Variants in GEM observed in about 807,000 individuals in gnomAD.
GEM encodes GTP binding protein overexpressed in skeletal muscle.
GEM carries 31 observed loss-of-function variants against 33.0 expected under a neutral mutation model. That is an observed-to-expected ratio of 0.94 (90% CI 0.71 to 1.27). GEM has a LOEUF of 1.27. Ranked by LOEUF, GEM falls within the 50% of genes most tolerant of loss-of-function variation. The probability of loss-of-function intolerance (pLI) is 0.00; values close to 1 mark genes in which losing one functional copy is unlikely to be tolerated. For missense variants in GEM, 354 were observed against 390.5 expected (o/e 0.91, Z 0.79); for synonymous variants, 141 against 143.7 (o/e 0.98, Z 0.13).
chr8:94,258,274 T>G (rs1237585969), intron 2 of GEM, among the ~76,000 whole-genome samples: 1 of 152,258 alleles, frequency 6.6e-6, no homozygotes, highest in Non-Finnish European at 1.5e-5. Flanking sequence ...TTTTCAATTC[T>G]TCCCTCTTAA....
intron 2 of GEM, among the ~76,000 whole-genome samples, chr8:94,254,855 CAGTA>C (rs1490860217): frequency 1.3e-5 from 2 of 152,206 alleles, no homozygotes; most frequent in African/African-American, 2.4e-5. Flanking sequence ...TTCTTCTAAT[CAGTA>C]AGTGTTTGCC....
At chr8:94,255,036 C>A (rs1162377403) in intron 2 of GEM, among the ~76,000 whole-genome samples, 1 of 152,134 alleles carries the variant, frequency 6.6e-6, no homozygotes, top group African/African-American at 2.4e-5. Flanking sequence ...CAGCACAGAA[C>A]GGGGATGGCC....
At chr8:94,251,446 C>T (rs1808768248) in intron 4 of GEM, among the ~76,000 whole-genome samples, 1 of 89,640 alleles carries the variant, frequency 1.1e-5, no homozygotes, top group African/African-American at 3.9e-5. Flanking sequence ...TATAATTGTA[C>T]CAGGATCAAA....
chr8:94,253,633 GTTTTGGCTGTAGT>G (rs145812411), intron 2 of GEM, among the ~76,000 whole-genome samples: 5,784 of 152,182 alleles, frequency 0.038, 143 homozygotes, highest in Non-Finnish European at 0.062. Context: ...GACTCTCCCT[GTTTTGGCTGTAGT>G]TTTCTTCCTT....
intron 2 of GEM, among the ~76,000 whole-genome samples, chr8:94,253,675 T>C (rs547733325): frequency 2.6e-4 from 39 of 152,312 alleles, no homozygotes; most frequent in African/African-American, 9.4e-4. Flanking sequence ...AAAAATGCTG[T>C]TCCCTAGGAA....
intron 2 of GEM, among the ~76,000 whole-genome samples, chr8:94,259,157 G>A (rs1288773774): frequency 6.6e-6 from 1 of 152,152 alleles, no homozygotes; most frequent in Admixed American, 6.5e-5. Flanking sequence ...TGCCTCATGA[G>A]GCAGTGAACT....
intron 2 of GEM, 126 bp downstream of exon 2, chr8:94,260,047 C>T: frequency 3.2e-6 from 2 of 631,386 alleles, no homozygotes; most frequent in East Asian, 2.7e-5. Context: ...ACTCAGCTCC[C>T]CCATCAATTG....
At chr8:94,255,455 C>T (rs1808870144) in intron 2 of GEM, among the ~76,000 whole-genome samples, 1 of 152,094 alleles carries the variant, frequency 6.6e-6, no homozygotes, top group South Asian at 2.1e-4. Flanking sequence ...ACTTTACCCC[C>T]CACCCCAGTA....
chr8:94,250,452 T>C lies in GEM; in HGVS notation c.749A>G (p.Glu250Gly), dbSNP rs867506754. 1 of 1,614,226 alleles carries C rather than the reference T, an allele frequency of 6.2e-7. No homozygotes were observed. The highest frequency in any genetic ancestry group is 1.3e-5 in the African/African-American group (1 of 75,062). The change falls in exon 5 of 5, where the codon GAA (glutamate) becomes GGA (glycine). Residue 250 changes from glutamate to glycine, a missense_variant. By Grantham distance (98) the Glu-to-Gly change is moderately conservative (BLOSUM62 -2). Coordinates refer to ENST00000297596, the MANE Select transcript of GEM (RefSeq NM_005261.4). ...CCTTTTCTGGTAGGCCAGCCGCCGT[T>C]CATTCTTCTCCTTGCTGTCCCGCCG... is the stretch of plus-strand genomic sequence containing the variant. ...RLRRDSKEKN[E>G]RRLAYQKRKE...
intron 1 of GEM, among the ~76,000 whole-genome samples, chr8:94,261,441 G>T (rs1426809050): frequency 6.6e-6 from 1 of 152,170 alleles, no homozygotes; most frequent in East Asian, 1.9e-4. Flanking sequence ...GCCTCCAACT[G>T]CCAGGCTCAA....
chr8:94,252,075 A>G lies in GEM; in HGVS notation c.557T>C (p.Ile186Thr). Residue 186 changes from isoleucine (I) to threonine (T), a missense_variant, in exon 4 of 5, where the codon ATA becomes ACA. Coordinates refer to ENST00000297596, the MANE Select transcript of GEM (RefSeq NM_005261.4). ...GTCACTTTTGTTGCCAACCAAAATT[A>G]TGGGAATGTCCTCTGTCTGCCGGGC... ...RRARQTEDIP[I>T]ILVGNKSDLV... 1 of 1,614,144 alleles carries G rather than the reference A, an allele frequency of 6.2e-7. No homozygotes were observed. The highest frequency in any genetic ancestry group is 8.5e-7 in the Non-Finnish European group (1 of 1,180,020).
At chr8:94,257,045 A>G (rs188846296) in intron 2 of GEM, among the ~76,000 whole-genome samples, 246 of 152,306 alleles carry the variant, frequency 1.6e-3, no homozygotes, top group African/African-American at 5.3e-3. Flanking sequence ...GTACTTTGCT[A>G]TATATGTGTG....
chr8:94,252,912 A>T, intron 3 of GEM, 124 bp downstream of exon 3: 1 of 624,556 alleles, frequency 1.6e-6, no homozygotes, highest in Non-Finnish European at 2.9e-6. Context: ...GTATGCTTTT[A>T]ATCAAGAAAA....
Position 94,252,194 on chromosome 8 carries a change from G to T in GEM, c.438C>A (p.Cys146Ter), listed in dbSNP as rs1195962183. ...TCAGGTATGCGTCCCCGACCTGCAT[G>T]CAGTGGTCATGGAGCCATTCATTTT... ...KGENEWLHDH[C>*]MQVGDAYLIV... is the part of the protein sequence containing the mutation. Residue 146 changes from cysteine (C) to a stop codon, truncating the protein, a stop_gained, in exon 4 of 5, where the codon TGC becomes TGA. Transcript: ENST00000297596. LOFTEE classifies it high-confidence loss of function. 6.2e-7 allele frequency: 1 copy of T among 1,612,350 alleles called. No homozygotes were observed. Among genetic ancestry groups the T allele is most frequent in the Non-Finnish European group, 8.5e-7 (1 of 1,178,726 alleles).
At chr8:94,250,621 A>T (rs1390112410) in intron 4 of GEM, 34 bp from the exon 5 acceptor site, 1 of 1,566,002 alleles carries the variant, frequency 6.4e-7, no homozygotes, top group African/African-American at 1.4e-5. Context: ...GAGGGACTGC[A>T]GAGCACAGTC....
chr8:94,260,191 C>T lies in GEM; in HGVS notation c.313G>A (p.Asp105Asn), dbSNP rs548062745. 170 of 1,589,388 alleles carry T rather than the reference C, an allele frequency of 1.1e-4. 4 individuals carry two copies. In the South Asian group the frequency reaches 1.3e-3, roughly 12 times the overall value. The change falls in exon 2 of 5, where the codon GAC becomes AAC. Residue 105 changes from aspartate (D) to asparagine (N), a missense_variant. Coordinates refer to ENST00000297596, the MANE Select transcript of GEM (RefSeq NM_005261.4). Reference sequence around the variant, plus strand: ...CACCTACCTCCCAGCACCTCGCAGTCGCTGTCCATGCTGTCATGCACACCT... The same window carrying T: ...CACCTACCTCCCAGCACCTCGCAGTTGCTGTCCATGCTGTCATGCACACCT... ...FAGVHDSMDS[D>N]CEVLGEDTYE...
At chr8:94,257,479 G>T (rs1025177026) in intron 2 of GEM, among the ~76,000 whole-genome samples, 1 of 152,208 alleles carries the variant, frequency 6.6e-6, no homozygotes, top group African/African-American at 2.4e-5. Context: ...ACCATGCCGG[G>T]CCAACCATGA....
intron 2 of GEM, among the ~76,000 whole-genome samples, chr8:94,254,513 G>A (rs1481430): frequency 1.6e-3 from 244 of 152,266 alleles, no homozygotes; most frequent in African/African-American, 5.2e-3. Context: ...ACAATTACCT[G>A]TATTAAGCCT....
Position 94,250,355 on chromosome 8 carries a change from G to A in GEM, c.846C>T (p.Ala282=). The A allele has an allele frequency of 1.9e-6, 3 of 1,614,122 alleles. No individual in the cohort carries two copies. The highest frequency in any genetic ancestry group is 2.2e-5 in the East Asian group (1 of 44,888). ...GGCAGGATTTGGACTTGAGCTTGAA[G>A]GCCATATTCTTGTTGTTTTTGGCCA... is the stretch of plus-strand genomic sequence containing the variant. The part of the protein sequence containing the change: ...KIVAKNNKNM[A]FKLKSKSCHD... Residue 282 remains alanine, a synonymous_variant, in exon 5 of 5, where the codon GCC becomes GCT. Transcript: ENST00000297596.
Sources: gnomAD v4.1 joint callset for allele counts (sites outside exome capture counted in the v4.1 genomes callset) on GRCh38, gnomAD v4.1.1 for gene constraint, MANE v1.5 for transcripts, NCBI Gene and HGNC (gene_info 2026-07-23, HGNC 2026-07-21) for gene names.